The following ATG7 variants were observed in gnomAD, a reference collection of about 807,000 sequenced individuals.
The protein encoded by ATG7 is ubiquitin-like modifier-activating enzyme ATG7.
A neutral mutation model predicts 82.4 loss-of-function variants in ATG7; 70 were observed. The observed-to-expected ratio is 0.85, with a 90% CI of 0.70 to 1.04. The LOEUF (loss-of-function observed/expected upper bound fraction) is 1.04, where lower values mean the gene tolerates loss of function less well. ATG7 is among the 50% of genes least tolerant of loss of function. The pLI, the probability that ATG7 is intolerant of heterozygous loss-of-function variation, is 0.00. For synonymous variants in ATG7, 287 were observed against 313.0 expected (o/e 0.92, Z 0.88); for missense variants, 792 against 864.3 (o/e 0.92, Z 1.05).
intron 20 of ATG7, among the ~76,000 whole-genome samples, chr3:11,459,022 C>T (rs1378854825): frequency 6.6e-6 from 1 of 151,934 alleles, no homozygotes; most frequent in Non-Finnish European, 1.5e-5. Context: ...CATTCATCAC[C>T]CCCCCATCTA....
chr3:11,349,169 C>A (rs544306308), intron 14 of ATG7, among the ~76,000 whole-genome samples: 15 of 151,948 alleles, frequency 9.9e-5, no homozygotes, highest in Non-Finnish European at 2.2e-4. Context: ...AGACACACAG[C>A]GCTGATTGGT....
intron 20 of ATG7, among the ~76,000 whole-genome samples, chr3:11,438,504 T>G (rs1400516961): frequency 2.0e-5 from 3 of 152,076 alleles, no homozygotes; most frequent in Non-Finnish European, 4.4e-5. Flanking sequence ...AGGTGGAGGT[T>G]GCAGTGAGCC....
rs183374678 is a variant in ATG7 at position 11,552,032 on chromosome 3, C to T, written c.2080-2779C>T. Among the ~76,000 whole-genome samples the T allele has an allele frequency of 6.4e-4, 98 of 152,312 alleles. 1 individual carries two copies. Among genetic ancestry groups the T allele is most frequent in the Admixed American group, 5.1e-3 (78 of 15,292 alleles). On this transcript the variant is annotated intron_variant, in intron 20 of 20. Coordinates refer to ENST00000693202, the MANE Select transcript of ATG7 (RefSeq NM_001349232.2). ...CCGAAGTGCTGGGATTACAGGCGTG[C>T]GCCACCACGCCCGGCCTCTTTCATT...
At chr3:11,378,811 A>C (rs2077651704) in intron 18 of ATG7, among the ~76,000 whole-genome samples, 1 of 152,028 alleles carries the variant, frequency 6.6e-6, no homozygotes. Flanking sequence ...GAGTTATCCA[A>C]AACTCAAAAG....
Position 11,384,170 on chromosome 3 carries a change from T to C in ATG7, c.1956+4118T>C, listed in dbSNP as rs112686479. ...ACCCAGAAGTTGACCAAAACCTTTT[T>C]TCAGACCTGCAGAGTCAGGAGCAGG... On this transcript the variant is annotated intron_variant, in intron 19 of 20. Transcript: ENST00000693202. Among the ~76,000 whole-genome samples, 891 of 152,304 alleles carry C rather than the reference T, an allele frequency of 5.9e-3. 9 individuals carry two copies. Among genetic ancestry groups the C allele is most frequent in the African/African-American group, 0.02 (825 of 41,570 alleles).
intron 20 of ATG7, among the ~76,000 whole-genome samples, chr3:11,427,866 A>G (rs978398569): frequency 8.5e-5 from 13 of 152,204 alleles, no homozygotes; most frequent in African/African-American, 2.4e-4. Flanking sequence ...CTGTTCTTAG[A>G]AAAGGGAATG....
intron 20 of ATG7, among the ~76,000 whole-genome samples, chr3:11,514,875 C>T (rs1180884017): frequency 1.3e-5 from 2 of 148,390 alleles, no homozygotes; most frequent in East Asian, 2.0e-4. Flanking sequence ...GAGTCTCGCT[C>T]TGTCACCCAG....
intron 9 of ATG7, among the ~76,000 whole-genome samples, chr3:11,325,765 A>T (rs374727241): frequency 1.3e-5 from 2 of 152,204 alleles, no homozygotes; most frequent in East Asian, 3.8e-4. Flanking sequence ...CAAGTGATCC[A>T]GAATGTTTGA....
intron 20 of ATG7, among the ~76,000 whole-genome samples, chr3:11,428,247 A>C (rs955813082): frequency 3.3e-5 from 5 of 152,318 alleles, no homozygotes. Flanking sequence ...GGGAGGCCCC[A>C]AGTTGTCAAT....
chr3:11,544,705 G>A (rs1028985828), intron 20 of ATG7, among the ~76,000 whole-genome samples: 11 of 152,368 alleles, frequency 7.2e-5, no homozygotes, highest in South Asian at 6.2e-4. Context: ...CGAGGGGCCC[G>A]CCCTTGACTG....
chr3:11,506,706 C>T (rs1321860839), intron 20 of ATG7, among the ~76,000 whole-genome samples: 1 of 151,870 alleles, frequency 6.6e-6, no homozygotes, highest in Non-Finnish European at 1.5e-5. Context: ...TGTGCCACTG[C>T]ACTCCAGCCC....
chr3:11,569,581 G>A, the ATG7 span, among the ~76,000 whole-genome samples: 1 of 152,242 alleles, frequency 6.6e-6, no homozygotes, highest in Non-Finnish European at 1.5e-5. Flanking sequence ...GGAGGGGCCG[G>A]CACAGGGCCA....
chr3:11,483,622 C>T (rs2153035665), intron 20 of ATG7, among the ~76,000 whole-genome samples: 1 of 152,274 alleles, frequency 6.6e-6, no homozygotes, highest in South Asian at 2.1e-4. Context: ...CTTCTTCTGC[C>T]ATATTCAAAT....
At position 11,392,480 on chromosome 3, in the gene ATG7, C is replaced by A. The variant is rs542254479; in HGVS notation, c.1956+12428C>A. Reference sequence around the variant, plus strand: ...TCATTAAAAAAACAAACAAAAAAAACAAAACAAAACAAAAAAACAAAAGCT... The same window carrying A: ...TCATTAAAAAAACAAACAAAAAAAAAAAAACAAAACAAAAAAACAAAAGCT... On this transcript the variant is annotated intron_variant, in intron 19 of 20. Coordinates refer to ENST00000693202, the MANE Select transcript of ATG7 (RefSeq NM_001349232.2). 6.9e-5 allele frequency among the ~76,000 whole-genome samples: 7 copies of A among 101,744 alleles called. No individual in the cohort carries two copies. The East Asian group carries it at 1.0e-3, about 15-fold the overall frequency. 66.7% of individuals were successfully genotyped at this position (101,744 alleles called of 152,430 possible). A position where few individuals can be genotyped will look rare whatever the true frequency, so the allele number is the denominator to read the frequency against.
chr3:11,529,153 G>A (rs917875780), intron 20 of ATG7, among the ~76,000 whole-genome samples: 2 of 152,186 alleles, frequency 1.3e-5, no homozygotes, highest in African/African-American at 2.4e-5. Context: ...AGGAAGGCCT[G>A]GGAATGAAGA....
Position 11,283,185 on chromosome 3 carries a change from T to C in ATG7, c.-11+747T>C, listed in dbSNP as rs1004236125. 5.3e-5 allele frequency among the ~76,000 whole-genome samples: 8 copies of C among 152,302 alleles called. No individual in the cohort carries two copies. In the East Asian group the frequency reaches 1.4e-3, roughly 26 times the overall value. On this transcript the variant is annotated intron_variant, in intron 3 of 20. Transcript: ENST00000693202. ...TGACCTGTAGTGGGAGACTGACCAT[T>C]TCCTTTTAATTAAGCCTCTGTTGTG...
chr3:11,297,375 G>T (rs1946105476), intron 3 of ATG7, among the ~76,000 whole-genome samples: 1 of 152,170 alleles, frequency 6.6e-6, no homozygotes, highest in African/African-American at 2.4e-5. Context: ...CATTTACAGT[G>T]ACTGTTCATA....
At chr3:11,468,965 G>T (rs1312640200) in intron 20 of ATG7, among the ~76,000 whole-genome samples, 1 of 152,240 alleles carries the variant, frequency 6.6e-6, no homozygotes, top group African/African-American at 2.4e-5. Flanking sequence ...AAAAGCTGAA[G>T]CGGTGCACAG....
At chr3:11,280,092 G>T (rs1165001790) in intron 1 of ATG7, among the ~76,000 whole-genome samples, 1 of 151,568 alleles carries the variant, frequency 6.6e-6, no homozygotes, top group East Asian at 1.9e-4. Context: ...TGTCACCCAG[G>T]CTGGAGTGCA....
Sources: gnomAD v4.1 joint callset for allele counts (sites outside exome capture counted in the v4.1 genomes callset) on GRCh38, gnomAD v4.1.1 for gene constraint, MANE v1.5 for transcripts, NCBI Gene and HGNC (gene_info 2026-07-23, HGNC 2026-07-21) for gene names.